The following CBFA2T2 variants were observed in gnomAD, a reference collection of about 807,000 sequenced individuals.
CBFA2T2 encodes the protein CBFA2/RUNX1 partner transcriptional co-repressor 2, also known as protein CBFA2T2.
CBFA2T2 carries 11 observed loss-of-function variants against 62.2 expected under a neutral mutation model. The observed-to-expected ratio is 0.18, with a 90% confidence interval of 0.11 to 0.29. The LOEUF (loss-of-function observed/expected upper bound fraction) is 0.29, where lower values mean the gene tolerates loss of function less well. CBFA2T2 is among the 10% of genes least tolerant of loss of function. The probability of loss-of-function intolerance (pLI) is 1.00; values close to 1 mark genes in which losing one functional copy is unlikely to be tolerated. For missense variants in CBFA2T2, 592 were observed against 774.1 expected, an observed-to-expected ratio of 0.76 and a Z score of 2.79; for synonymous variants, 295 against 287.5, an observed-to-expected ratio of 1.03 and a Z score of -0.27.
At chr20:33,542,305 T>C (rs1328533036) in intron 1 of CBFA2T2, among the ~76,000 whole-genome samples, 2 of 152,224 alleles carry the variant, frequency 1.3e-5, no homozygotes, top group Non-Finnish European at 2.9e-5. Flanking sequence ...GTAACTCTGC[T>C]AGAAGAACCA....
chr20:33,536,021 G>A (rs535468659), intron 1 of CBFA2T2, among the ~76,000 whole-genome samples: 1 of 152,188 alleles, frequency 6.6e-6, no homozygotes, highest in Non-Finnish European at 1.5e-5. Context: ...CAAGGCAGAA[G>A]AATTTTTCTT....
At position 33,644,748 on chromosome 20, in the gene CBFA2T2, C is replaced by G; in HGVS notation, c.*102C>G. The G allele has an allele frequency of 1.6e-6, 2 of 1,272,648 alleles. No individual in the cohort carries two copies. The highest frequency in any genetic ancestry group is 2.9e-5 in the South Asian group (2 of 69,622). 78.8% of individuals were successfully genotyped at this position (1,272,648 alleles called of 1,614,324 possible). On this transcript the variant is annotated 3_prime_UTR_variant, in exon 11 of 11. Transcript: ENST00000342704. ...GTGCATGTAGCTGCCGGGTCATCAG[C>G]AAGAAATGAATTGGAGGCAGGAAGA...
rs978476982 is a variant in CBFA2T2 at position 33,492,429 on chromosome 20, T to A, written c.34+2128T>A. On this transcript the variant is annotated intron_variant, in intron 1 of 10. Transcript: ENST00000342704. ...TTGCTTTCACTTAAAAAAAAAAGAT[T>A]GTGTCCAAATTTCTTTTGTGTAGTA... Among the ~76,000 whole-genome samples the A allele has an allele frequency of 5.0e-5, 7 of 141,278 alleles. 1 individual carries two copies. The East Asian group carries it at 1.9e-3, about 38-fold the overall frequency. The allele number at this position is 141,278 out of a possible 152,430, so 92.7% of individuals were successfully genotyped here. A position where few individuals can be genotyped will look rare whatever the true frequency, so the allele number is the denominator to read the frequency against.
At chr20:33,609,227 G>A (rs937666607) in intron 2 of CBFA2T2, among the ~76,000 whole-genome samples, 15 of 152,174 alleles carry the variant, frequency 9.9e-5, no homozygotes, top group African/African-American at 3.6e-4. Flanking sequence ...TAGGCCAGGC[G>A]CAGTGGCTCA....
chr20:33,578,884 C>T (rs2013965525), intron 1 of CBFA2T2, among the ~76,000 whole-genome samples: 1 of 152,034 alleles, frequency 6.6e-6, no homozygotes, highest in Non-Finnish European at 1.5e-5. Context: ...TTAAAAAGAC[C>T]CTTTCATAAG....
intron 1 of CBFA2T2, among the ~76,000 whole-genome samples, chr20:33,541,483 A>G (rs571529509): frequency 1.3e-5 from 2 of 152,138 alleles, no homozygotes; most frequent in Non-Finnish European, 2.9e-5. Flanking sequence ...GCCGGACTCT[A>G]TTTTTCCATT....
At chr20:33,558,035 G>T (rs937725331) in intron 1 of CBFA2T2, among the ~76,000 whole-genome samples, 1 of 152,048 alleles carries the variant, frequency 6.6e-6, no homozygotes, top group African/African-American at 2.4e-5. Context: ...CACCATGTTG[G>T]CCAGGCTGGT....
intron 1 of CBFA2T2, among the ~76,000 whole-genome samples, chr20:33,589,019 T>TA (rs1225910429): frequency 6.6e-6 from 1 of 151,974 alleles, no homozygotes; most frequent in Non-Finnish European, 1.5e-5. Flanking sequence ...TCCCTTCCCC[T>TA]AAAAAAATGC....
At chr20:33,573,175 C>T (rs1389297551) in intron 1 of CBFA2T2, among the ~76,000 whole-genome samples, 2 of 152,064 alleles carry the variant, frequency 1.3e-5, no homozygotes, top group Non-Finnish European at 1.5e-5. Flanking sequence ...AAAGCCCCTG[C>T]CCTCATGGAG....
At chr20:33,602,150 A>G (rs1256378337) in intron 1 of CBFA2T2, among the ~76,000 whole-genome samples, 4 of 152,150 alleles carry the variant, frequency 2.6e-5, no homozygotes, top group East Asian at 3.9e-4. Flanking sequence ...CAAGTAAACC[A>G]TGTGAGAGTA....
intron 1 of CBFA2T2, among the ~76,000 whole-genome samples, chr20:33,520,669 G>T (rs1055594002): frequency 6.6e-6 from 1 of 152,022 alleles, no homozygotes; most frequent in Non-Finnish European, 1.5e-5. Context: ...TACTTGGGAG[G>T]TTGAGCCAGA....
rs73622523 is a variant in CBFA2T2, at chr20:33,593,418, C to T, written c.35-13538C>T. Among the ~76,000 whole-genome samples the T allele has an allele frequency of 5.7e-5, 6 of 104,714 alleles. No individual in the cohort carries two copies. In the East Asian group the frequency reaches 2.2e-3, roughly 38 times the overall value. The allele number at this position is 104,714 out of a possible 152,430, so 68.7% of individuals were successfully genotyped here. ...TTTTTTTTTTTTTTTTTTTTTGAGA[C>T]AGAGTCTCACTGTGTTTCCCAGGCT... On this transcript the variant is annotated intron_variant, in intron 1 of 10. Transcript: ENST00000342704.
At chr20:33,632,488 T>TTTTA (rs2016488096) in intron 8 of CBFA2T2, among the ~76,000 whole-genome samples, 1 of 150,870 alleles carries the variant, frequency 6.6e-6, no homozygotes, top group Non-Finnish European at 1.5e-5. Flanking sequence ...TTTTTTTTTT[T>TTTTA]AACAGAGTCT....
chr20:33,620,531 AAAG>A (rs2015912138), intron 4 of CBFA2T2, among the ~76,000 whole-genome samples: 1 of 150,538 alleles, frequency 6.6e-6, no homozygotes, highest in Non-Finnish European at 1.5e-5. Flanking sequence ...AAGAATAAAA[AAAG>A]AAATATTTAA....
At chr20:33,595,861 A>G (rs1328535930) in intron 1 of CBFA2T2, among the ~76,000 whole-genome samples, 1 of 152,132 alleles carries the variant, frequency 6.6e-6, no homozygotes, top group East Asian at 1.9e-4. Context: ...TTAATCTGTT[A>G]CTTTATTTGC....
intron 8 of CBFA2T2, among the ~76,000 whole-genome samples, chr20:33,633,417 T>C (rs572408358): frequency 1.1e-4 from 17 of 152,096 alleles, no homozygotes; most frequent in African/African-American, 4.1e-4. Flanking sequence ...TCTTGGGTTA[T>C]GCAGAAATCC....
At chr20:33,528,691 CGTGTGTGT>C (rs11471183) in intron 1 of CBFA2T2, among the ~76,000 whole-genome samples, 1 of 150,232 alleles carries the variant, frequency 6.7e-6, no homozygotes, top group African/African-American at 2.4e-5. Context: ...AATGTCCACT[CGTGTGTGT>C]GTGTGTGTGT....
chr20:33,643,723 C>G (rs2016932453), intron 10 of CBFA2T2, among the ~76,000 whole-genome samples: 1 of 104,746 alleles, frequency 9.5e-6, no homozygotes, highest in Non-Finnish European at 2.0e-5. Flanking sequence ...TCAAGCGTAG[C>G]CTGGCCAACA....
intron 1 of CBFA2T2, among the ~76,000 whole-genome samples, chr20:33,587,349 C>T (rs1357249572): frequency 6.6e-6 from 1 of 152,200 alleles, no homozygotes; most frequent in Non-Finnish European, 1.5e-5. Context: ...TCACTGCAAC[C>T]TGTGCCTCCT....
Sources: allele counts gnomAD v4.1 joint callset (sites outside exome capture counted in the v4.1 genomes callset), GRCh38; gene constraint gnomAD v4.1.1; transcripts MANE v1.5; gene names NCBI Gene and HGNC (gene_info 2026-07-23, HGNC 2026-07-21).